Variants in THSD7B observed in about 807,000 individuals in gnomAD.
The protein encoded by THSD7B is thrombospondin type 1 domain containing 7B, also known as thrombospondin type-1 domain-containing protein 7B.
In THSD7B, 138 loss-of-function variants were observed where a neutral mutation model predicts 213.6. The ratio of observed to expected loss-of-function variants is 0.65; its 90% CI spans 0.56 to 0.74. The LOEUF (loss-of-function observed/expected upper bound fraction) is 0.74, where lower values mean the gene tolerates loss of function less well. Ranked by LOEUF, THSD7B falls within the 30% of genes least tolerant of loss-of-function variation. THSD7B has a pLI of 0.00. For synonymous variants in THSD7B, 742 were observed against 687.0 expected (o/e 1.08, Z -1.25); for missense variants, 1,931 against 1,991.5 (o/e 0.97, Z 0.58).
chr2:136,769,005 G>T (rs1167474437), intron 1 of THSD7B, among the ~76,000 whole-genome samples: 7 of 152,152 alleles, frequency 4.6e-5, no homozygotes, highest in Non-Finnish European at 8.8e-5. Flanking sequence ...TTTTAGTGGG[G>T]TCTGTAGTTT....
intron 5 of THSD7B, among the ~76,000 whole-genome samples, chr2:137,119,084 G>A (rs1476452353): frequency 6.6e-6 from 1 of 152,120 alleles, no homozygotes; most frequent in African/African-American, 2.4e-5. Flanking sequence ...AGATTTGGGT[G>A]GGGACACAGC....
intron 15 of THSD7B, among the ~76,000 whole-genome samples, chr2:137,533,579 C>G (rs1362798794): frequency 6.6e-6 from 1 of 151,926 alleles, no homozygotes; most frequent in East Asian, 1.9e-4. Context: ...CTTACATAGG[C>G]TTTGTTTAGT....
chr2:136,802,657 A>ATG (rs1682209575), intron 1 of THSD7B, among the ~76,000 whole-genome samples: 1 of 118,862 alleles, frequency 8.4e-6, no homozygotes, highest in Non-Finnish European at 1.7e-5. Context: ...ATATATATAT[A>ATG]TATATATATA....
At chr2:137,439,282 G>A (rs535299860) in intron 14 of THSD7B, among the ~76,000 whole-genome samples, 2 of 151,886 alleles carry the variant, frequency 1.3e-5, no homozygotes, top group Admixed American at 6.6e-5. Flanking sequence ...GGAATATTTT[G>A]GTTGCTTTTG....
chr2:137,302,744 A>T (rs1289189336), intron 12 of THSD7B, among the ~76,000 whole-genome samples: 1 of 152,108 alleles, frequency 6.6e-6, no homozygotes, highest in Non-Finnish European at 1.5e-5. Flanking sequence ...CATGAGGGAG[A>T]AAAAGGAGAA....
At chr2:137,508,376 A>ATTT (rs11383871) in intron 15 of THSD7B, among the ~76,000 whole-genome samples, 1,442 of 107,918 alleles carry the variant, frequency 0.013, 83 homozygotes, top group Middle Eastern at 0.063. Context: ...AAATAAAACA[A>ATTT]TTTTTTTTTT....
chr2:137,638,241 G>A (rs1682869452), intron 20 of THSD7B, among the ~76,000 whole-genome samples: 1 of 152,190 alleles, frequency 6.6e-6, no homozygotes, highest in African/African-American at 2.4e-5. Context: ...ATTCCCACGT[G>A]TTGTAGGAGG....
intron 12 of THSD7B, among the ~76,000 whole-genome samples, chr2:137,392,158 G>T (rs1017938523): frequency 6.6e-6 from 1 of 152,238 alleles, no homozygotes; most frequent in East Asian, 1.9e-4. Flanking sequence ...CTTGTTTTCA[G>T]CCTACAATGT....
intron 2 of THSD7B, among the ~76,000 whole-genome samples, chr2:137,032,014 A>AT (rs1368359673): frequency 6.6e-6 from 1 of 151,710 alleles, no homozygotes; most frequent in Non-Finnish European, 1.5e-5. Flanking sequence ...TGATTTTTGT[A>AT]TTTTTTTGTG....
chr2:137,369,502 A>T (rs1369207508), intron 12 of THSD7B, among the ~76,000 whole-genome samples: 1 of 152,166 alleles, frequency 6.6e-6, no homozygotes, highest in African/African-American at 2.4e-5. Context: ...AGAAATGGAG[A>T]AAGAAGAACA....
chr2:137,629,102 A>G lies in THSD7B; in HGVS notation c.3799+8376A>G, dbSNP rs559678918. 3.6e-4 allele frequency among the ~76,000 whole-genome samples: 55 copies of G among 152,222 alleles called. 1 individual carries two copies. Among genetic ancestry groups the G allele is most frequent in the Admixed American group, 2.5e-3 (38 of 15,298 alleles). On this transcript the variant is annotated intron_variant, in intron 20 of 27. Coordinates refer to ENST00000409968, the MANE Select transcript of THSD7B (RefSeq NM_001316349.2). The stretch of plus-strand genomic sequence containing the variant: ...ATTGGCACACTGAAAGAATTTTATT[A>G]TTGTCATTGCCTAGATGGTTCTGGA...
intron 2 of THSD7B, among the ~76,000 whole-genome samples, chr2:136,940,744 T>TA (rs2105059639): frequency 6.9e-6 from 1 of 143,984 alleles, no homozygotes; most frequent in East Asian, 2.1e-4. Flanking sequence ...ATATATATAT[T>TA]TTTTCTTATT....
intron 15 of THSD7B, among the ~76,000 whole-genome samples, chr2:137,476,039 G>T (rs1688184673): frequency 6.6e-6 from 1 of 151,932 alleles, no homozygotes. Flanking sequence ...CTGTACTTTT[G>T]CATTTTCTCA....
chr2:136,878,046 A>G (rs1683553041), intron 1 of THSD7B, among the ~76,000 whole-genome samples: 2 of 152,022 alleles, frequency 1.3e-5, no homozygotes, highest in Admixed American at 1.3e-4. Flanking sequence ...CATTAGGTAT[A>G]TCTCCTAATG....
At chr2:137,104,619 A>G (rs892845233) in intron 4 of THSD7B, among the ~76,000 whole-genome samples, 8 of 152,190 alleles carry the variant, frequency 5.3e-5, no homozygotes, top group African/African-American at 1.9e-4. Flanking sequence ...TGAATCCAAG[A>G]GCTTGTTTTT....
intron 4 of THSD7B, among the ~76,000 whole-genome samples, chr2:137,108,446 T>C (rs1688293764): frequency 6.6e-6 from 1 of 152,192 alleles, no homozygotes; most frequent in Admixed American, 6.5e-5. Context: ...CCTTCCTTCT[T>C]TTGTCCCCCT....
chr2:137,108,079 A>G (rs1688288322), intron 4 of THSD7B, among the ~76,000 whole-genome samples: 1 of 152,226 alleles, frequency 6.6e-6, no homozygotes, highest in Non-Finnish European at 1.5e-5. Flanking sequence ...AATACCTTGC[A>G]CTAGGGTTTC....
intron 10 of THSD7B, among the ~76,000 whole-genome samples, chr2:137,264,366 C>T (rs1682528820): frequency 6.6e-6 from 1 of 151,958 alleles, no homozygotes; most frequent in African/African-American, 2.4e-5. Flanking sequence ...CATTCTCCTG[C>T]CTCACCCTCC....
At chr2:137,051,498 T>C (rs956062659) in intron 2 of THSD7B, among the ~76,000 whole-genome samples, 1 of 152,196 alleles carries the variant, frequency 6.6e-6, no homozygotes, top group African/African-American at 2.4e-5. Context: ...CATTAACCTA[T>C]TGGAAGTAAA....
Sources: gnomAD v4.1 joint callset for allele counts (sites outside exome capture counted in the v4.1 genomes callset) on GRCh38, gnomAD v4.1.1 for gene constraint, MANE v1.5 for transcripts, NCBI Gene and HGNC (gene_info 2026-07-23, HGNC 2026-07-21) for gene names.